Variants in HK1 observed in about 807,000 individuals in gnomAD.
HK1 encodes hexokinase-1.
HK1 carries 28 observed loss-of-function variants against 91.6 expected under a neutral mutation model. That is an observed-to-expected ratio of 0.31 (90% CI 0.23 to 0.42). The LOEUF is 0.42. Ranked by LOEUF, HK1 falls within the 10% of genes least tolerant of loss-of-function variation. The pLI is 1.00. For missense variants in HK1, 770 were observed against 1,219.8 expected, an observed-to-expected ratio of 0.63 and a Z score of 5.49; for synonymous variants, 430 against 468.1, an observed-to-expected ratio of 0.92 and a Z score of 1.05.
chr10:69,396,837 A>G (rs965795298), intron 16 of HK1, among the ~76,000 whole-genome samples: 4 of 151,916 alleles, frequency 2.6e-5, no homozygotes, highest in East Asian at 3.9e-4. Flanking sequence ...GTGCGTCACC[A>G]TGCACGCCCG....
chr10:69,300,982 C>G, intron 5 of HK1: 1 of 595,208 alleles, frequency 1.7e-6, no homozygotes, highest in South Asian at 1.7e-5. Flanking sequence ...CGGTGGCTCA[C>G]GCCTGTAATC....
chr10:69,285,293 G>A (rs1349675930), intron 2 of HK1, among the ~76,000 whole-genome samples: 4 of 151,942 alleles, frequency 2.6e-5, no homozygotes, highest in East Asian at 2.0e-4. Flanking sequence ...GCGAGGTGGC[G>A]GGCGCCTGTA....
intron 2 of HK1, among the ~76,000 whole-genome samples, chr10:69,356,530 A>T (rs1290735326): frequency 6.6e-6 from 1 of 152,232 alleles, no homozygotes; most frequent in East Asian, 1.9e-4. Flanking sequence ...TTTGCCAGTC[A>T]TATGTCTGAT....
At chr10:69,391,133 G>C (rs976412292) in intron 14 of HK1, among the ~76,000 whole-genome samples, 2 of 152,188 alleles carry the variant, frequency 1.3e-5, no homozygotes, top group Non-Finnish European at 2.9e-5. Context: ...GCATGTGTGC[G>C]GTGTGTGGGT....
rs548261287 is a variant in HK1 at position 69,271,271 on chromosome 10, C to T, written c.-391+1163C>T. Among the ~76,000 whole-genome samples, 28 of 152,094 alleles carry T rather than the reference C, an allele frequency of 1.8e-4. No individual in the cohort carries two copies. The South Asian group carries it at 1.9e-3, about 10-fold the overall frequency. On this transcript the variant is annotated intron_variant, in intron 1 of 21. Transcript: ENST00000360289. The stretch of plus-strand genomic sequence containing the variant: ...GTGCATGTACCATGTACCCCTTGGA[C>T]AATCAAGAATACAAGAAACCTTGTA...
intron 1 of HK1, among the ~76,000 whole-genome samples, chr10:69,336,472 C>T (rs572015340): frequency 3.3e-5 from 5 of 150,208 alleles, no homozygotes; most frequent in African/African-American, 9.8e-5. Flanking sequence ...ATTATAGGCA[C>T]GAGCCACCGC....
At chr10:69,348,805 C>CA (rs772998927) in intron 2 of HK1, among the ~76,000 whole-genome samples, 1,559 of 133,108 alleles carry the variant, frequency 0.012, 13 homozygotes, top group Middle Eastern at 0.027. Flanking sequence ...AACTCTGTCT[C>CA]AAAAAAAAAA....
chr10:69,288,787 C>CTTTA (rs1312678438), intron 3 of HK1: 1 of 1,586,056 alleles, frequency 6.3e-7, no homozygotes, highest in Admixed American at 1.7e-5. Context: ...TCTGGTGTTT[C>CTTTA]TTTCTTTCTT....
chr10:69,377,127 G>A (rs771072044), intron 8 of HK1, 38 bp downstream of exon 8: 1 of 1,612,882 alleles, frequency 6.2e-7, no homozygotes, highest in African/African-American at 1.3e-5. Flanking sequence ...TGGGGTGTTG[G>A]GGCAGAGAAG....
chr10:69,287,354 A>T (rs904844633), intron 2 of HK1, among the ~76,000 whole-genome samples: 33 of 152,144 alleles, frequency 2.2e-4, no homozygotes, highest in African/African-American at 7.7e-4. Context: ...CAGGGGGGGA[A>T]CCGCCCCCAT....
intron 16 of HK1, 73 bp downstream of exon 16, chr10:69,395,178 T>C: frequency 6.7e-7 from 1 of 1,495,496 alleles, no homozygotes; most frequent in Non-Finnish European, 9.2e-7. Context: ...GTGATGGGGG[T>C]GGTAGGGACC....
upstream of HK1, among the ~76,000 whole-genome samples, chr10:69,313,172 T>C (rs1846457444): frequency 6.6e-6 from 1 of 152,208 alleles, no homozygotes; most frequent in Non-Finnish European, 1.5e-5. Flanking sequence ...GCCCTAATAA[T>C]GGGAGGCTTT....
chr10:69,341,294 TG>T (rs1184836123), intron 1 of HK1, among the ~76,000 whole-genome samples: 1 of 151,884 alleles, frequency 6.6e-6, no homozygotes, highest in African/African-American at 2.4e-5. Context: ...CCCGAGTAGC[TG>T]GGACTACAGG....
intron 15 of HK1, among the ~76,000 whole-genome samples, chr10:69,393,077 G>A (rs1484733554): frequency 6.6e-6 from 1 of 152,206 alleles, no homozygotes; most frequent in African/African-American, 2.4e-5. Context: ...CACCTCCCGG[G>A]TTCAAGCAGT....
At chr10:69,326,806 C>G (rs1188474925) in intron 1 of HK1, among the ~76,000 whole-genome samples, 1 of 152,162 alleles carries the variant, frequency 6.6e-6, no homozygotes, top group Non-Finnish European at 1.5e-5. Flanking sequence ...CTGCTTCTCC[C>G]TTCGGAGGTG....
intron 1 of HK1, among the ~76,000 whole-genome samples, chr10:69,330,858 A>G (rs1370615133): frequency 6.6e-6 from 1 of 151,514 alleles, no homozygotes; most frequent in African/African-American, 2.4e-5. Flanking sequence ...GGAAATATGC[A>G]GACTTACCTG....
intron 9 of HK1, 120 bp from the exon 10 acceptor site, chr10:69,382,367 C>T (rs1397419827): frequency 3.7e-6 from 4 of 1,068,914 alleles, no homozygotes; most frequent in African/African-American, 1.6e-5. Context: ...AGAGCAAGAC[C>T]CTGTCTCAAA....
At chr10:69,343,657 G>A (rs1175957834) in intron 1 of HK1, among the ~76,000 whole-genome samples, 170 bp from the exon 2 acceptor site, 1 of 152,232 alleles carries the variant, frequency 6.6e-6, no homozygotes, top group African/African-American at 2.4e-5. Flanking sequence ...GCATTTGCAA[G>A]CCTGTTCTGG....
At chr10:69,300,425 A>T (rs1476762088) in intron 4 of HK1, 5 of 697,246 alleles carry the variant, frequency 7.2e-6, no homozygotes, top group Non-Finnish European at 1.2e-5. Flanking sequence ...TATGTATAAC[A>T]TCTCTAGAAA....
Sources: gnomAD v4.1 joint callset for allele counts (sites outside exome capture counted in the v4.1 genomes callset) on GRCh38, gnomAD v4.1.1 for gene constraint, MANE v1.5 for transcripts, NCBI Gene and HGNC (gene_info 2026-07-23, HGNC 2026-07-21) for gene names.